RIF1: variants seen among roughly 807,000 people sequenced by gnomAD.
RIF1 encodes replication timing regulatory factor 1.
In RIF1, 45 loss-of-function variants were observed where a neutral mutation model predicts 247.1. That is an observed-to-expected ratio of 0.18 (90% confidence interval 0.14 to 0.23). The LOEUF is 0.23. Among genes scored for constraint, RIF1 ranks in the 10% least tolerant of loss-of-function variants. The pLI, the probability that RIF1 is intolerant of heterozygous loss-of-function variation, is 1.00. For synonymous variants in RIF1, 1,087 were observed against 978.8 expected, an observed-to-expected ratio of 1.11 and a Z score of -2.06; for missense variants, 2,967 against 2,862.5, an observed-to-expected ratio of 1.04 and a Z score of -0.83.
chr2:151,455,278 GATA>G lies in RIF1; in HGVS notation c.2609+124_2609+126del, dbSNP rs1430217638. On this transcript the variant is annotated intron_variant, in intron 22 of 35. Coordinates refer to ENST00000444746, the MANE Select transcript of RIF1 (RefSeq NM_018151.5). ...GTAGTCTTGACAATTTTGTGGAGAG[GATA>G]ATAAACTACACTTTTGTTGAAAAGA... is the stretch of plus-strand genomic sequence containing the variant. 4.4e-5 allele frequency: 28 copies of G among 631,748 alleles called. No homozygotes were observed. The Admixed American group carries it at 9.8e-4, about 22-fold the overall frequency. 39.1% of individuals were successfully genotyped at this position (631,748 alleles called of 1,614,324 possible). A position where few individuals can be genotyped will look rare whatever the true frequency, so the allele number is the denominator to read the frequency against.
chr2:151,424,851 TTTTTTC>T (rs1558944755), intron 8 of RIF1, among the ~76,000 whole-genome samples: 6 of 139,534 alleles, frequency 4.3e-5, no homozygotes, highest in East Asian at 2.3e-4. Flanking sequence ...TTTTTTTTTT[TTTTTTC>T]CATATTTTTT....
chr2:151,522,911 C>G, the RIF1 span, among the ~76,000 whole-genome samples: 16 of 152,266 alleles, frequency 1.1e-4, no homozygotes, highest in East Asian at 1.2e-3. Context: ...GGGCCCAGGG[C>G]CACACCATGA....
intron 11 of RIF1, 125 bp from the exon 12 acceptor site, chr2:151,436,702 T>C (rs1691288462): frequency 2.9e-6 from 2 of 683,640 alleles, no homozygotes; most frequent in Admixed American, 3.4e-5. Context: ...TTTCAAGGTA[T>C]GGATTAATGC....
At chr2:151,416,783 G>A (rs1687286459) in intron 5 of RIF1, 24 bp from the exon 6 acceptor site, 1 of 1,603,154 alleles carries the variant, frequency 6.2e-7, no homozygotes, top group African/African-American at 1.3e-5. Context: ...TATTTCATTT[G>A]TATTTATTTG....
Position 151,458,872 on chromosome 2 carries a change from G to A in RIF1, c.2917G>A (p.Glu973Lys). ...CCTGTTGCCTGGTTTGGAAACTGTT[G>A]AAATGATGGAGGAATCCAGTGGACC... The part of the protein sequence containing the change: ...LLLLPGLETV[E>K]MMEESSGPYS... The change falls in exon 25 of 36, where the codon GAA becomes AAA. Residue 973 changes from glutamate to lysine, a missense_variant. Glu to Lys is a moderately conservative substitution (Grantham distance 56). Coordinates refer to ENST00000444746, the MANE Select transcript of RIF1 (RefSeq NM_018151.5). 2 of 1,612,986 alleles carry A rather than the reference G, an allele frequency of 1.2e-6. No individual in the cohort carries two copies. Among genetic ancestry groups the A allele is most frequent in the Non-Finnish European group, 1.7e-6 (2 of 1,179,246 alleles).
In RIF1 at chr2:151,461,217, T is replaced by C. The variant is rs776390229; in HGVS notation, c.3155T>C (p.Ile1052Thr). The C allele has an allele frequency of 3.1e-6, 5 of 1,613,398 alleles. No individual in the cohort carries two copies. In the Admixed American group the frequency reaches 6.7e-5, roughly 22 times the overall value. ...GAAAAGTCTACTGACTTTGTGTTTA[T>C]ACCTCCAGAAGGAAAAGATGCAAAG... ...EEEKSTDFVFIPPEGKDAKER... is the reference protein window; with the variant it reads ...EEEKSTDFVFTPPEGKDAKER... The change falls in exon 27 of 36, where the codon ATA (isoleucine) becomes ACA (threonine). Residue 1052 changes from isoleucine (I) to threonine (T), a missense_variant. Transcript: ENST00000444746.
At chr2:151,448,197 C>A (rs1025393736) in intron 20 of RIF1, among the ~76,000 whole-genome samples, 1 of 151,672 alleles carries the variant, frequency 6.6e-6, no homozygotes, top group East Asian at 2.0e-4. Context: ...GTGTGCACCA[C>A]CATGCCTGGC....
chr2:151,481,656 C>G lies in RIF1; in HGVS notation c.*6585C>G, dbSNP rs2049173103. The G allele has an allele frequency of 6.6e-6, 1 of 152,226 alleles. No homozygotes were observed. The highest frequency in any genetic ancestry group is 6.5e-5 in the Admixed American group (1 of 15,286). 9.4% of individuals were successfully genotyped at this position (152,226 alleles called of 1,614,324 possible). ...TTTAAGTTGAAGCCTAACAGAAGTA[C>G]TTGTTCATTCCTCAGTTACCTGCAA... is the stretch of plus-strand genomic sequence containing the variant. On this transcript the variant is annotated 3_prime_UTR_variant, in exon 36 of 36. Coordinates refer to ENST00000444746, the MANE Select transcript of RIF1 (RefSeq NM_018151.5).
the RIF1 span, chr2:151,518,908 G>T: frequency 8.3e-7 from 1 of 1,208,344 alleles, no homozygotes; most frequent in South Asian, 1.2e-5. Context: ...GGCTCAGAAA[G>T]AATTTAGTTC....
At chr2:151,526,915 T>C in the RIF1 span, 1 of 1,575,092 alleles carries the variant, frequency 6.3e-7, no homozygotes, top group South Asian at 1.2e-5. Flanking sequence ...ACTAGGTACT[T>C]ACATCACTTT....
intron 21 of RIF1, among the ~76,000 whole-genome samples, chr2:151,453,812 ATACT>A (rs537068318): frequency 5.7e-4 from 87 of 152,300 alleles, no homozygotes; most frequent in African/African-American, 1.9e-3. Flanking sequence ...TAATTACTAA[ATACT>A]TACTGTGGCA....
At chr2:151,426,769 C>G (rs973046444) in intron 8 of RIF1, among the ~76,000 whole-genome samples, 3 of 151,886 alleles carry the variant, frequency 2.0e-5, no homozygotes, top group African/African-American at 7.3e-5. Context: ...GCCTCGGCCT[C>G]CCGAGTAGCT....
chr2:151,461,319 A>G, intron 27 of RIF1, 30 bp downstream of exon 27: 2 of 1,599,976 alleles, frequency 1.3e-6, no homozygotes, highest in Non-Finnish European at 8.5e-7. Flanking sequence ...TGAGTTGGGT[A>G]TTTGGTATTC....
intron 8 of RIF1, among the ~76,000 whole-genome samples, chr2:151,426,777 G>A (rs950936916): frequency 2.8e-4 from 43 of 151,868 alleles, no homozygotes; most frequent in African/African-American, 9.7e-4. Flanking sequence ...CTCCCGAGTA[G>A]CTGGGATTAT....
chr2:151,428,688 T>A (rs894739869), intron 8 of RIF1, 96 bp from the exon 9 acceptor site: 1 of 947,456 alleles, frequency 1.1e-6, no homozygotes, highest in Non-Finnish European at 1.7e-6. Context: ...TATGAAGTCC[T>A]AAGAGCATCT....
At chr2:151,456,272 A>C (rs1004878591) in intron 22 of RIF1, among the ~76,000 whole-genome samples, 1 of 152,224 alleles carries the variant, frequency 6.6e-6, no homozygotes, top group African/African-American at 2.4e-5. Flanking sequence ...TTTCTTTGCA[A>C]ATCTTTAAGT....
At chr2:151,446,132 G>A (rs1385721800) in intron 19 of RIF1, among the ~76,000 whole-genome samples, 1 of 151,938 alleles carries the variant, frequency 6.6e-6, no homozygotes, top group Non-Finnish European at 1.5e-5. Context: ...TCAGCCTCCC[G>A]AGTAGCTGGG....
intron 9 of RIF1, among the ~76,000 whole-genome samples, chr2:151,490,997 T>G (rs1190173686): frequency 3.3e-5 from 5 of 152,054 alleles, no homozygotes; most frequent in Non-Finnish European, 7.4e-5. Flanking sequence ...ATCAGAAAAC[T>G]GGAGTATAAA....
At chr2:151,472,122 C>T (rs2048582822) in intron 34 of RIF1, among the ~76,000 whole-genome samples, 2 of 152,194 alleles carry the variant, frequency 1.3e-5, no homozygotes, top group South Asian at 2.1e-4. Flanking sequence ...ATTTTATTCT[C>T]TTTGAAGCAA....
Sources: allele counts gnomAD v4.1 joint callset (sites outside exome capture counted in the v4.1 genomes callset), GRCh38; gene constraint gnomAD v4.1.1; transcripts MANE v1.5; gene names NCBI Gene and HGNC (gene_info 2026-07-23, HGNC 2026-07-21).